The following PLEKHM3 variants were observed in gnomAD, a reference collection of about 807,000 sequenced individuals.
PLEKHM3 encodes the protein pleckstrin homology domain-containing family M member 3.
PLEKHM3 carries 45 observed loss-of-function variants against 81.8 expected under a neutral mutation model. That is an observed-to-expected ratio of 0.55 (90% CI 0.43 to 0.71). The LOEUF (loss-of-function observed/expected upper bound fraction) is 0.71. Ranked by LOEUF, PLEKHM3 falls within the 30% of genes least tolerant of loss-of-function variation. The probability of loss-of-function intolerance (pLI) is 0.00; values close to 1 mark genes in which losing one functional copy is unlikely to be tolerated. For synonymous variants in PLEKHM3, 352 were observed against 356.4 expected (o/e 0.99, Z 0.14); for missense variants, 788 against 924.3 (o/e 0.85, Z 1.91).
intron 7 of PLEKHM3, chr2:207,852,694 A>C: frequency 2.5e-6 from 1 of 399,708 alleles, no homozygotes; most frequent in Non-Finnish European, 4.8e-6. Context: ...GGGTACTCAA[A>C]AGAGGGGAGG....
Position 207,993,733 on chromosome 2 carries a change from C to T in PLEKHM3, c.610+7297G>A, listed in dbSNP as rs1574475852. On this transcript the variant is annotated intron_variant, in intron 2 of 7. Coordinates refer to ENST00000427836, the MANE Select transcript of PLEKHM3 (RefSeq NM_001080475.3). ...AAAGCCCAGTTGACCACTGCCCTTG[C>T]CAAGCAGATGAAAATGTGAACACAG... 2.6e-5 allele frequency among the ~76,000 whole-genome samples: 4 copies of T among 152,004 alleles called. No homozygotes were observed. In the Middle Eastern group the frequency reaches 0.014, roughly 517 times the overall value.
chr2:207,858,040 A>G (rs1247099499), intron 7 of PLEKHM3, among the ~76,000 whole-genome samples: 1 of 151,534 alleles, frequency 6.6e-6, no homozygotes, highest in Non-Finnish European at 1.5e-5. Context: ...TCATTTCAAA[A>G]TATTTTAAAA....
At chr2:208,006,986 C>T (rs1303842669) in intron 1 of PLEKHM3, among the ~76,000 whole-genome samples, 1 of 152,196 alleles carries the variant, frequency 6.6e-6, no homozygotes, top group Non-Finnish European at 1.5e-5. Context: ...AGTTCTCCCA[C>T]ACAGAGACAG....
At chr2:208,011,223 C>T (rs1692680677) in intron 1 of PLEKHM3, among the ~76,000 whole-genome samples, 1 of 152,142 alleles carries the variant, frequency 6.6e-6, no homozygotes, top group African/African-American at 2.4e-5. Context: ...TTTGACCCAG[C>T]AATCCCACTA....
chr2:207,853,780 A>AT (rs909487208), intron 7 of PLEKHM3, among the ~76,000 whole-genome samples: 29 of 148,238 alleles, frequency 2.0e-4, no homozygotes, highest in South Asian at 2.2e-4. Context: ...TATTATTATT[A>AT]TTTTTTTTTT....
chr2:207,857,112 T>C (rs1471981779), intron 7 of PLEKHM3, among the ~76,000 whole-genome samples: 1 of 152,252 alleles, frequency 6.6e-6, no homozygotes, highest in Admixed American at 6.5e-5. Context: ...GGATTTTCTG[T>C]CTGTTGGACC....
At position 207,824,570 on chromosome 2, in the gene PLEKHM3, C is replaced by A. The variant is rs1230097314; in HGVS notation, c.*3749G>T. The A allele has an allele frequency of 2.0e-5, 3 of 152,230 alleles. No homozygotes were observed. The highest frequency in any genetic ancestry group is 2.9e-5 in the Non-Finnish European group (2 of 68,060). The allele number at this position is 152,230 out of a possible 1,614,324, so 9.4% of individuals were successfully genotyped here. A position where few individuals can be genotyped will look rare whatever the true frequency, so the allele number is the denominator to read the frequency against. Reference sequence around the variant, plus strand: ...GTGCGTGGCATCGTGCTAGTCCCACCTGGATATACTAATTTATGGACGGCC... The same window carrying A: ...GTGCGTGGCATCGTGCTAGTCCCACATGGATATACTAATTTATGGACGGCC... On this transcript the variant is annotated 3_prime_UTR_variant, in exon 8 of 8. Coordinates refer to ENST00000427836, the MANE Select transcript of PLEKHM3 (RefSeq NM_001080475.3).
At chr2:207,934,366 G>A (rs140725908) in intron 4 of PLEKHM3, among the ~76,000 whole-genome samples, 3 of 152,196 alleles carry the variant, frequency 2.0e-5, no homozygotes, top group African/African-American at 7.2e-5. Context: ...GTTTCGGCTG[G>A]CACTCTTTTC....
intron 3 of PLEKHM3, among the ~76,000 whole-genome samples, chr2:207,955,237 TTTAATA>T (rs1163050949): frequency 6.6e-6 from 1 of 152,176 alleles, no homozygotes; most frequent in African/African-American, 2.4e-5. Context: ...GTAAGATAAG[TTTAATA>T]TTAATAATAA....
intron 1 of PLEKHM3, among the ~76,000 whole-genome samples, chr2:208,015,651 A>G (rs1282179304): frequency 6.6e-6 from 1 of 152,220 alleles, no homozygotes; most frequent in Middle Eastern, 3.2e-3. Flanking sequence ...AGAGTATAAT[A>G]ACTGTGACTT....
intron 5 of PLEKHM3, among the ~76,000 whole-genome samples, chr2:207,923,773 T>C (rs141702232): frequency 2.1e-5 from 3 of 144,918 alleles, no homozygotes; most frequent in East Asian, 4.1e-4. Flanking sequence ...TAGGGGAAAA[T>C]AAGGGAATAA....
At chr2:207,930,845 G>T in intron 5 of PLEKHM3, 81 bp downstream of exon 5, 2 of 1,497,112 alleles carry the variant, frequency 1.3e-6, no homozygotes, top group Non-Finnish European at 1.8e-6. Context: ...TGCTGGAAAG[G>T]CCCTTTGGAG....
intron 2 of PLEKHM3, among the ~76,000 whole-genome samples, chr2:207,999,899 G>A (rs1692239687): frequency 6.6e-6 from 1 of 152,188 alleles, no homozygotes; most frequent in Admixed American, 6.5e-5. Context: ...AGAAACTGAA[G>A]TAATACTAAA....
At chr2:207,950,826 C>T (rs1443645013) in intron 3 of PLEKHM3, among the ~76,000 whole-genome samples, 1 of 152,154 alleles carries the variant, frequency 6.6e-6, no homozygotes, top group Non-Finnish European at 1.5e-5. Context: ...GTAGAAACAA[C>T]CTGACTTCAT....
At chr2:208,011,099 C>T (rs1016056538) in intron 1 of PLEKHM3, among the ~76,000 whole-genome samples, 9 of 149,084 alleles carry the variant, frequency 6.0e-5, no homozygotes, top group African/African-American at 1.5e-4. Flanking sequence ...TAGATGTTGG[C>T]GTGGATGTGG....
At chr2:207,955,683 C>G (rs558377961) in intron 3 of PLEKHM3, among the ~76,000 whole-genome samples, 3 of 152,154 alleles carry the variant, frequency 2.0e-5, no homozygotes, top group Admixed American at 2.0e-4. Flanking sequence ...AAAGGCAGAG[C>G]CTAATAAAAG....
chr2:207,993,467 A>G (rs995514104), intron 2 of PLEKHM3, among the ~76,000 whole-genome samples: 10 of 152,032 alleles, frequency 6.6e-5, no homozygotes, highest in Non-Finnish European at 1.0e-4. Flanking sequence ...CATAATTGAA[A>G]AAGCAGTCAT....
At chr2:207,962,343 T>C (rs571670689) in intron 3 of PLEKHM3, among the ~76,000 whole-genome samples, 2 of 152,186 alleles carry the variant, frequency 1.3e-5, no homozygotes, top group Admixed American at 6.5e-5. Context: ...TTGATGATCA[T>C]AACAATTTGA....
intron 7 of PLEKHM3, among the ~76,000 whole-genome samples, chr2:207,855,428 G>T (rs2092432789): frequency 6.6e-6 from 1 of 152,144 alleles, no homozygotes; most frequent in Admixed American, 6.6e-5. Context: ...AATAAGTGAG[G>T]AAGAGACAGA....
Sources: gnomAD v4.1 joint callset for allele counts (sites outside exome capture counted in the v4.1 genomes callset) on GRCh38, gnomAD v4.1.1 for gene constraint, MANE v1.5 for transcripts, NCBI Gene and HGNC (gene_info 2026-07-23, HGNC 2026-07-21) for gene names.